The following IARS2 variants were observed in gnomAD, a reference collection of about 807,000 sequenced individuals.
IARS2 encodes isoleucine--tRNA ligase, mitochondrial.
Under a neutral mutation model 126.3 loss-of-function variants are expected in IARS2, and 56 were observed. The observed-to-expected ratio is 0.44, with a 90% CI of 0.36 to 0.55. The LOEUF is 0.55. Among genes scored for constraint, IARS2 ranks in the 20% least tolerant of loss-of-function variants. The pLI is 0.00. For synonymous variants in IARS2, 407 were observed against 441.1 expected, an observed-to-expected ratio of 0.92 and a Z score of 0.97; for missense variants, 1,127 against 1,245.9, an observed-to-expected ratio of 0.90 and a Z score of 1.44.
chr1:220,119,300 T>C (rs1656989416), intron 12 of IARS2, among the ~76,000 whole-genome samples: 1 of 152,184 alleles, frequency 6.6e-6, no homozygotes, highest in South Asian at 2.1e-4. Flanking sequence ...GGTTTTATGA[T>C]GGATTTATTG....
intron 5 of IARS2, 41 bp downstream of exon 5, chr1:220,102,453 T>G: frequency 6.2e-7 from 1 of 1,610,840 alleles, no homozygotes; most frequent in Non-Finnish European, 8.5e-7. Context: ...GAGAAATTTG[T>G]GAGGCTTCCA....
chr1:220,120,138 A>G (rs1372306723), intron 12 of IARS2, among the ~76,000 whole-genome samples: 1 of 145,072 alleles, frequency 6.9e-6, no homozygotes, highest in Admixed American at 6.9e-5. Context: ...CTGGAGTGCA[A>G]TGGTGGGATC....
chr1:220,098,443 G>T (rs1656498547), intron 2 of IARS2, among the ~76,000 whole-genome samples: 1 of 152,008 alleles, frequency 6.6e-6, no homozygotes, highest in Non-Finnish European at 1.5e-5. Flanking sequence ...CCTCTAAAAT[G>T]GTACCACCCC....
At chr1:220,135,060 G>T (rs1657346200) in intron 15 of IARS2, among the ~76,000 whole-genome samples, 1 of 152,128 alleles carries the variant, frequency 6.6e-6, no homozygotes, top group Admixed American at 6.5e-5. Context: ...GAGCCACCAT[G>T]CCTGGCCTAG....
chr1:220,131,705 C>T (rs1031328479), intron 14 of IARS2, among the ~76,000 whole-genome samples: 2 of 151,362 alleles, frequency 1.3e-5, no homozygotes, highest in African/African-American at 2.4e-5. Context: ...AGGCTGGTCT[C>T]GAACTCCTGA....
rs774396394 is a variant in IARS2 at position 220,100,580 on chromosome 1, G to C, written c.481G>C (p.Glu161Gln). 6.2e-7 allele frequency: 1 copy of C among 1,613,180 alleles called. No individual in the cohort carries two copies. The highest frequency in any genetic ancestry group is 1.7e-5 in the Admixed American group (1 of 59,954). ...CTGGGATTGTCATGGGTTGCCCATT[G>C]AAATAAAAGTATTATCAGAACTTGG... ...PGWDCHGLPIEIKVLSELGRE... is the reference protein window; with the variant it reads ...PGWDCHGLPIQIKVLSELGRE... Residue 161 changes from glutamate (E) to glutamine (Q), a missense_variant, in exon 3 of 23, where the codon GAA becomes CAA. Glu to Gln is a conservative substitution (Grantham distance 29). Coordinates refer to ENST00000366922, the MANE Select transcript of IARS2 (RefSeq NM_018060.4).
At chr1:220,094,547 C>T in intron 1 of IARS2, 64 bp downstream of exon 1, 1 of 1,397,524 alleles carries the variant, frequency 7.2e-7, no homozygotes, top group Non-Finnish European at 9.5e-7. Flanking sequence ...GCACCGGGCG[C>T]TCGCAGGCGC....
At chr1:220,144,500 T>C in intron 21 of IARS2, 1 of 476,998 alleles carries the variant, frequency 2.1e-6, no homozygotes, top group Non-Finnish European at 3.7e-6. Context: ...GAGCTTGAAA[T>C]AGCTAGTAGG....
chr1:220,148,029 T>G lies in IARS2; in HGVS notation c.*394T>G. Reference sequence around the variant, plus strand: ...TTCTATGATACTGAAAATAAAGGCATTCTGGAAAAATACTGACTGATTTTG... The same window carrying G: ...TTCTATGATACTGAAAATAAAGGCAGTCTGGAAAAATACTGACTGATTTTG... On this transcript the variant is annotated 3_prime_UTR_variant, in exon 23 of 23. Coordinates refer to ENST00000366922, the MANE Select transcript of IARS2 (RefSeq NM_018060.4). 2.7e-6 allele frequency: 1 copy of G among 374,162 alleles called. No homozygotes were observed. The allele number at this position is 374,162 out of a possible 1,614,324, so 23.2% of individuals were successfully genotyped here.
rs1449454533 is a variant in IARS2 at position 220,114,460 on chromosome 1, A to G, written c.1626A>G (p.Glu542=). ...TGTTTCATCATAAGACCAAGGATGA[A>G]TACTTGATCAACAGGTAGAATGCTT... The part of the protein sequence containing the change: ...IPVFHHKTKD[E]YLINSQTTEH... The change falls in exon 12 of 23, where the codon GAA becomes GAG. Residue 542 remains glutamate (E), a synonymous_variant. Transcript: ENST00000366922. 1.9e-6 allele frequency: 3 copies of G among 1,611,102 alleles called. No individual in the cohort carries two copies. The highest frequency in any genetic ancestry group is 8.5e-7 in the Non-Finnish European group (1 of 1,179,132).
At chr1:220,136,217 C>T (rs893149729) in intron 15 of IARS2, among the ~76,000 whole-genome samples, 6 of 152,094 alleles carry the variant, frequency 3.9e-5, no homozygotes, top group African/African-American at 1.4e-4. Context: ...CTGCAATCTC[C>T]GCCTCTTGGG....
At chr1:220,135,811 AATTT>A (rs1657361994) in intron 15 of IARS2, among the ~76,000 whole-genome samples, 1 of 147,972 alleles carries the variant, frequency 6.8e-6, no homozygotes. Flanking sequence ...TTTCATTTAA[AATTT>A]TTTTTTTTTT....
chr1:220,094,692 A>G (rs576578772), intron 1 of IARS2, among the ~76,000 whole-genome samples: 9 of 152,282 alleles, frequency 5.9e-5, no homozygotes, highest in African/African-American at 1.7e-4. Context: ...CCTTTGTACC[A>G]GGTTCTGGAG....
intron 12 of IARS2, among the ~76,000 whole-genome samples, chr1:220,122,809 A>G (rs1657075474): frequency 6.6e-6 from 1 of 152,202 alleles, no homozygotes; most frequent in Non-Finnish European, 1.5e-5. Flanking sequence ...TGCTAAATTA[A>G]TATGAAATTT....
At chr1:220,135,942 A>T (rs1162984342) in intron 15 of IARS2, among the ~76,000 whole-genome samples, 1 of 150,664 alleles carries the variant, frequency 6.6e-6, no homozygotes, top group African/African-American at 2.4e-5. Context: ...CTCCCACCCC[A>T]GGGCCCCTGG....
Position 220,100,397 on chromosome 1 carries a change from A to G in IARS2, c.391-93A>G, listed in dbSNP as rs900425104. On this transcript the variant is annotated intron_variant, in intron 2 of 22. Coordinates refer to ENST00000366922, the MANE Select transcript of IARS2 (RefSeq NM_018060.4). ...AAATTGTAGGCCAAATATTTTATGT[A>G]TGAATGCTAATTATCATTTTATCTT... is the stretch of plus-strand genomic sequence containing the variant. 22 of 1,073,248 alleles carry G rather than the reference A, an allele frequency of 2.0e-5. No individual in the cohort carries two copies. The Middle Eastern group carries it at 7.5e-4, about 36-fold the overall frequency. The allele number at this position is 1,073,248 out of a possible 1,614,324, so 66.5% of individuals were successfully genotyped here.
chr1:220,135,154 C>T (rs1469593794), intron 15 of IARS2, among the ~76,000 whole-genome samples: 1 of 152,136 alleles, frequency 6.6e-6, no homozygotes, highest in African/African-American at 2.4e-5. Flanking sequence ...AGCCTGAGTG[C>T]AGATGTCCTT....
chr1:220,118,653 C>T lies in IARS2; in HGVS notation c.1640+4179C>T, dbSNP rs186225317. Among the ~76,000 whole-genome samples the T allele has an allele frequency of 2.6e-3, 401 of 152,200 alleles. 2 individuals are homozygous for T. The highest frequency in any genetic ancestry group is 9.1e-3 in the African/African-American group (380 of 41,558). ...TCATCATTTCAAACAGTTATAATCA[C>T]TTTCATGCTATTAATGCTATAGTTA... On this transcript the variant is annotated intron_variant, in intron 12 of 22. Coordinates refer to ENST00000366922, the MANE Select transcript of IARS2 (RefSeq NM_018060.4).
At position 220,107,084 on chromosome 1, in the gene IARS2, A is replaced by C; in HGVS notation, c.1260A>C (p.Gly420=). ...LPMDCLVDED[G]VFTDVAGPEL... is the part of the protein sequence containing the mutation. Reference sequence around the variant, plus strand: ...AGGATTGTCTAGTGGACGAAGATGGAGTTTTCACAGATGTTGCAGGTCCTG... The same window carrying C: ...AGGATTGTCTAGTGGACGAAGATGGCGTTTTCACAGATGTTGCAGGTCCTG... Residue 420 remains glycine, a synonymous_variant, in exon 10 of 23, where the codon GGA becomes GGC. Transcript: ENST00000366922. 6.2e-7 allele frequency: 1 copy of C among 1,612,518 alleles called. No individual in the cohort carries two copies. The highest frequency in any genetic ancestry group is 1.6e-4 in the Middle Eastern group (1 of 6,062).
Sources: allele counts gnomAD v4.1 joint callset (sites outside exome capture counted in the v4.1 genomes callset), GRCh38; gene constraint gnomAD v4.1.1; transcripts MANE v1.5; gene names NCBI Gene and HGNC (gene_info 2026-07-23, HGNC 2026-07-21).